MYBL2: variants seen among roughly 807,000 people sequenced by gnomAD.
MYBL2 encodes the protein MYB proto-oncogene like 2.
Under a neutral mutation model 79.9 loss-of-function variants are expected in MYBL2, and 28 were observed. The ratio of observed to expected loss-of-function variants is 0.35; its 90% CI spans 0.26 to 0.48. The LOEUF (loss-of-function observed/expected upper bound fraction) is 0.48. Ranked by LOEUF, MYBL2 falls within the 20% of genes least tolerant of loss-of-function variation. The pLI is 0.99. For synonymous variants in MYBL2, 378 were observed against 361.2 expected (o/e 1.05, Z -0.53); for missense variants, 735 against 893.9 (o/e 0.82, Z 2.27).
At chr20:43,682,717 C>T (rs1217896549) in intron 3 of MYBL2, 77 bp from the exon 4 acceptor site, 2 of 1,390,990 alleles carry the variant, frequency 1.4e-6, no homozygotes, top group Non-Finnish European at 2.0e-6. Context: ...GCCCCTGAGC[C>T]TAGTACTTAA....
chr20:43,711,566 G>A lies in MYBL2; in HGVS notation c.1684G>A (p.Asp562Asn), dbSNP rs749840082. 5.6e-6 allele frequency: 9 copies of A among 1,613,544 alleles called. No individual in the cohort carries two copies. Among genetic ancestry groups the A allele is most frequent in the African/African-American group, 2.7e-5 (2 of 74,888 alleles). Residue 562 changes from aspartate to asparagine, a missense_variant, in exon 11 of 14, where the codon GAC (aspartate) becomes AAC (asparagine). Asp to Asn is a conservative substitution (Grantham distance 23, BLOSUM62 1). Coordinates refer to ENST00000217026, the MANE Select transcript of MYBL2 (RefSeq NM_002466.4). The part of the protein sequence containing the change: ...EAGIELIIED[D>N]IRPEKQKRKP... ...TGGCATCGAACTCATCATCGAGGAC[G>A]ACATCAGGCCCGAGAAGCAGAAGAG...
In MYBL2 at chr20:43,686,989, C is replaced by T. The variant is rs146572896; in HGVS notation, c.417C>T (p.Thr139=). 1.4e-4 allele frequency: 226 copies of T among 1,614,086 alleles called. 1 individual carries two copies. The highest frequency in any genetic ancestry group is 1.0e-3 in the South Asian group (93 of 91,056). ...LNPEVKKSCW[T]EEEDRIICEA... is the part of the protein sequence containing the mutation. ...CTGAGGTGAAGAAGTCTTGCTGGAC[C>T]GAGGAGGAGGACCGCATCATCTGCG... Residue 139 remains threonine, a synonymous_variant, in exon 5 of 14, where the codon ACC becomes ACT. Coordinates refer to ENST00000217026, the MANE Select transcript of MYBL2 (RefSeq NM_002466.4).
intron 9 of MYBL2, 99 bp from the exon 10 acceptor site, chr20:43,709,864 G>C: frequency 1.0e-6 from 1 of 981,422 alleles, no homozygotes; most frequent in Non-Finnish European, 1.5e-6. Context: ...CCTGTGCTGG[G>C]GCCAAAGGTC....
chr20:43,670,194 C>G (rs1555809597), intron 1 of MYBL2, among the ~76,000 whole-genome samples: 1 of 152,224 alleles, frequency 6.6e-6, no homozygotes, highest in Non-Finnish European at 1.5e-5. Context: ...TATTTGCTGA[C>G]CTTCTGTTAG....
chr20:43,688,027 A>AT (rs1221253207), intron 5 of MYBL2, among the ~76,000 whole-genome samples: 11 of 146,684 alleles, frequency 7.5e-5, no homozygotes, highest in South Asian at 4.4e-4. Flanking sequence ...AAAAAAAAAA[A>AT]TTTTTTTTTC....
chr20:43,687,010 C>T lies in MYBL2; in HGVS notation c.438C>T (p.Ile146=), dbSNP rs1244775978. ...SCWTEEEDRI[I]CEAHKVLGNR... ...GGACCGAGGAGGAGGACCGCATCAT[C>T]TGCGAGGCCCACAAGGTGCTGGGCA... The change falls in exon 5 of 14, where the codon ATC becomes ATT. Residue 146 remains isoleucine (I), a synonymous_variant. Coordinates refer to ENST00000217026, the MANE Select transcript of MYBL2 (RefSeq NM_002466.4). 8.1e-6 allele frequency: 13 copies of T among 1,613,970 alleles called. No homozygotes were observed. The highest frequency in any genetic ancestry group is 1.1e-5 in the South Asian group (1 of 91,066).
chr20:43,672,103 C>T (rs1396064370), intron 1 of MYBL2, among the ~76,000 whole-genome samples: 2 of 151,876 alleles, frequency 1.3e-5, no homozygotes, highest in Admixed American at 1.3e-4. Flanking sequence ...CTCAGCTACT[C>T]AGGAGGCTGA....
intron 8 of MYBL2, among the ~76,000 whole-genome samples, chr20:43,704,854 G>A (rs760292029): frequency 1.3e-5 from 2 of 152,192 alleles, no homozygotes; most frequent in Non-Finnish European, 2.9e-5. Context: ...CACTACAACT[G>A]TCACATGCCT....
chr20:43,695,695 A>AGT (rs1568865505), intron 6 of MYBL2, among the ~76,000 whole-genome samples: 3 of 151,748 alleles, frequency 2.0e-5, no homozygotes, highest in Non-Finnish European at 4.4e-5. Flanking sequence ...ACAAAAAAAA[A>AGT]AAAAAGCTGG....
rs1053032184 is a variant in MYBL2 at position 43,693,768 on chromosome 20, G to A, written c.663+1449G>A. On this transcript the variant is annotated intron_variant, in intron 6 of 13. Transcript: ENST00000217026. The stretch of plus-strand genomic sequence containing the variant: ...AGGTTATTTTTCAAAATAAAAATTT[G>A]GGTAGGGCGTGGTGGCTAACATCTG... Among the ~76,000 whole-genome samples the A allele has an allele frequency of 2.0e-5, 3 of 152,212 alleles. No individual in the cohort carries two copies. The South Asian group carries it at 6.2e-4, about 32-fold the overall frequency.
At position 43,692,260 on chromosome 20, in the gene MYBL2, T is replaced by C; in HGVS notation, c.604T>C (p.Leu202=). The C allele has an allele frequency of 6.2e-7, 1 of 1,614,194 alleles. No homozygotes were observed. Among genetic ancestry groups the C allele is most frequent in the Non-Finnish European group, 8.5e-7 (1 of 1,180,032 alleles). The change falls in exon 6 of 14, where the codon TTG becomes CTG. Residue 202 remains leucine (L), a synonymous_variant. Coordinates refer to ENST00000217026, the MANE Select transcript of MYBL2 (RefSeq NM_002466.4). The part of the protein sequence containing the change: ...ESKDCKPPVY[L]LLELEDKDGL... ...CAAAGACTGCAAGCCCCCAGTGTAC[T>C]TGCTGCTGGAGCTCGAGGACAAGGA...
chr20:43,692,053 T>G, intron 5 of MYBL2, 104 bp from the exon 6 acceptor site: 6 of 1,062,458 alleles, frequency 5.6e-6, no homozygotes, highest in Non-Finnish European at 8.3e-6. Context: ...TAGTGGAAGA[T>G]TCATTTACAG....
chr20:43,703,914 T>C (rs1987725266), intron 8 of MYBL2, among the ~76,000 whole-genome samples: 1 of 152,212 alleles, frequency 6.6e-6, no homozygotes, highest in Non-Finnish European at 1.5e-5. Context: ...TGTCTTCACG[T>C]GGTCACCTGT....
intron 6 of MYBL2, among the ~76,000 whole-genome samples, chr20:43,697,345 C>T (rs369833771): frequency 6.6e-6 from 1 of 152,114 alleles, no homozygotes; most frequent in African/African-American, 2.4e-5. Flanking sequence ...GGCGGTGGCT[C>T]ATGCCTGTAT....
chr20:43,694,256 C>T (rs1048168405), intron 6 of MYBL2, among the ~76,000 whole-genome samples: 6 of 150,412 alleles, frequency 4.0e-5, no homozygotes, highest in African/African-American at 1.5e-4. Flanking sequence ...GGCGTGAACC[C>T]GGGAGGCAGA....
intron 10 of MYBL2, among the ~76,000 whole-genome samples, chr20:43,710,630 A>C (rs1987884064): frequency 6.6e-6 from 1 of 152,186 alleles, no homozygotes; most frequent in African/African-American, 2.4e-5. Flanking sequence ...AGAGAAAGGC[A>C]TGGTTGTGGA....
At chr20:43,678,857 CAAAA>C (rs762645852) in intron 2 of MYBL2, among the ~76,000 whole-genome samples, 2 of 19,242 alleles carry the variant, frequency 1.0e-4, no homozygotes, top group African/African-American at 6.1e-4. Flanking sequence ...AACTCCGTCT[CAAAA>C]AAAAAAAAAA....
At chr20:43,681,967 G>A in intron 3 of MYBL2, 112 bp downstream of exon 3, 1 of 1,141,042 alleles carries the variant, frequency 8.8e-7, no homozygotes, top group South Asian at 1.4e-5. Context: ...CTCAGCCCCT[G>A]AAAACAAAAC....
At chr20:43,712,863 C>T in intron 11 of MYBL2, 139 bp from the exon 12 acceptor site, 1 of 659,340 alleles carries the variant, frequency 1.5e-6, no homozygotes, top group Non-Finnish European at 2.7e-6. Context: ...ACAGCAGATT[C>T]CCACTAGCTG....
Sources: gnomAD v4.1 joint callset for allele counts (sites outside exome capture counted in the v4.1 genomes callset) on GRCh38, gnomAD v4.1.1 for gene constraint, MANE v1.5 for transcripts, NCBI Gene and HGNC (gene_info 2026-07-23, HGNC 2026-07-21) for gene names.